ITGB7: variants seen among roughly 807,000 people sequenced by gnomAD.
ITGB7 encodes the protein integrin subunit beta 7.
Under a neutral mutation model 83.4 loss-of-function variants are expected in ITGB7, and 55 were observed. The observed-to-expected ratio is 0.66, with a 90% confidence interval of 0.53 to 0.83. The LOEUF is 0.83. Among genes scored for constraint, ITGB7 ranks in the 40% least tolerant of loss-of-function variants. The probability of loss-of-function intolerance (pLI) is 0.00; values close to 1 mark genes in which losing one functional copy is unlikely to be tolerated. For synonymous variants in ITGB7, 454 were observed against 423.6 expected (o/e 1.07, Z -0.88); for missense variants, 921 against 1,046.7 (o/e 0.88, Z 1.66).
At chr12:53,191,766 G>T in intron 15 of ITGB7, 93 bp downstream of exon 15, 1 of 1,567,038 alleles carries the variant, frequency 6.4e-7, no homozygotes, top group Non-Finnish European at 8.8e-7. Context: ...GGTTACATGT[G>T]CCAGGGGCTG....
In ITGB7 at chr12:53,198,004, C is replaced by A. The variant is rs1942225952; in HGVS notation, c.202-53G>T. The A allele has an allele frequency of 3.4e-6, 5 of 1,460,506 alleles. No individual in the cohort carries two copies. The Admixed American group carries it at 1.1e-4, about 31-fold the overall frequency. 90.5% of individuals were successfully genotyped at this position (1,460,506 alleles called of 1,614,324 possible). A position where few individuals can be genotyped will look rare whatever the true frequency, so the allele number is the denominator to read the frequency against. On this transcript the variant is annotated intron_variant, in intron 3 of 15. Transcript: ENST00000267082. ...ACCCGGTCCTGCATAGGCCCTGGGC[C>A]CCGCTCCCAAAAACACCCTGCAAAC...
intron 1 of ITGB7, among the ~76,000 whole-genome samples, chr12:53,202,305 G>GCTGCAATTGTGCCA (rs1942339386): frequency 6.6e-6 from 1 of 152,168 alleles, no homozygotes; most frequent in Non-Finnish European, 1.5e-5. Flanking sequence ...GTTGCAGTGA[G>GCTGCAATTGTGCCA]CTGCAATTGT....
chr12:53,194,242 C>T lies in ITGB7; in HGVS notation c.1264G>A (p.Ala422Thr). The change falls in exon 10 of 16, where the codon GCT becomes ACT. Residue 422 changes from alanine (A) to threonine (T), a missense_variant. Transcript: ENST00000267082. ...TGGTTGCACTGTCCTCGATCCTCAG[C>T]CTTACCCTCCCTCTTCTCAGGACCC... ...CEGPEKREGK[A>T]EDRGQCNHVR... The T allele has an allele frequency of 2.5e-6, 4 of 1,614,084 alleles. No individual in the cohort carries two copies. Among genetic ancestry groups the T allele is most frequent in the Non-Finnish European group, 3.4e-6 (4 of 1,180,014 alleles).
At chr12:53,201,364 A>G (rs891284436) in intron 1 of ITGB7, 170 bp from the exon 2 acceptor site, 5 of 152,212 alleles carry the variant, frequency 3.3e-5, no homozygotes, top group African/African-American at 1.2e-4. Flanking sequence ...CTTGGTTGAC[A>G]TGGTAGCAAG....
At chr12:53,202,994 G>T (rs1369559328) in intron 1 of ITGB7, among the ~76,000 whole-genome samples, 1 of 152,102 alleles carries the variant, frequency 6.6e-6, no homozygotes, top group East Asian at 1.9e-4. Context: ...AAAGTATATA[G>T]GTAAATCTTC....
Position 53,192,012 on chromosome 12 carries a change from T to TG in ITGB7, c.2162dup (p.Asp722ArgfsTer33). 1 of 1,611,384 alleles carries TG rather than the reference T, an allele frequency of 6.2e-7. No individual in the cohort carries two copies. Among genetic ancestry groups the TG allele is most frequent in the Non-Finnish European group, 8.5e-7 (1 of 1,178,720 alleles). ...CCAGCACAATGGCCTGCGTGTGGTC[T>TG]GCTCCCTCTGTGAACAAGAAACCAG... On this transcript the variant is annotated frameshift_variant, in exon 15 of 16. Transcript: ENST00000267082. LOFTEE classifies it high-confidence loss of function.
At chr12:53,205,055 C>T (rs1178186726) in intron 1 of ITGB7, among the ~76,000 whole-genome samples, 1 of 151,914 alleles carries the variant, frequency 6.6e-6, no homozygotes, top group East Asian at 1.9e-4. Context: ...GAACCCCTGA[C>T]TTCAAGTGAT....
chr12:53,194,364 G>A lies in ITGB7; in HGVS notation c.1162-20C>T, dbSNP rs1308706234. 1 of 1,613,110 alleles carries A rather than the reference G, an allele frequency of 6.2e-7. No homozygotes were observed. The highest frequency in any genetic ancestry group is 1.1e-5 in the South Asian group (1 of 90,992). On this transcript the variant is annotated intron_variant, in intron 9 of 15. Transcript: ENST00000267082. ...CAGGCTCTATGGGAAGAGAGCGAGT[G>A]GATAACCACGTGAAGGCAGAAAAGG...
At position 53,193,325 on chromosome 12, in the gene ITGB7, G is replaced by C. The variant is rs1375093070; in HGVS notation, c.1541C>G (p.Ser514Cys). ...PGRLGRLCEC[S>C]VAELSSPDLE... ...GTCTGGGGAGGACAGCTCTGCCACAGAGCACTCACAGAGCCGACCTAGGCG... is the reference window on the plus strand; with the variant it reads ...GTCTGGGGAGGACAGCTCTGCCACACAGCACTCACAGAGCCGACCTAGGCG... Residue 514 changes from serine (S) to cysteine (C), a missense_variant, in exon 12 of 16, where the codon TCT (serine) becomes TGT (cysteine). Ser to Cys is a moderately radical substitution (Grantham distance 112). Transcript: ENST00000267082. The C allele has an allele frequency of 2.5e-6, 4 of 1,605,810 alleles. No homozygotes were observed. In the African/African-American group the frequency reaches 4.0e-5, roughly 16 times the overall value.
rs11574538 is a variant in ITGB7 at position 53,196,563 on chromosome 12, C to T, written c.816+16G>A. On this transcript the variant is annotated intron_variant, in intron 6 of 15. Transcript: ENST00000267082. Reference sequence around the variant, plus strand: ...AAACAGACCTCCAGGCTCAGATCCCCGCCCCACCTCCTCACCTGGCAGAGT... The same window carrying T: ...AAACAGACCTCCAGGCTCAGATCCCTGCCCCACCTCCTCACCTGGCAGAGT... The T allele has an allele frequency of 0.041, 65,857 of 1,598,724 alleles. 1,604 individuals are homozygous for T. Among genetic ancestry groups the T allele is most frequent in the Non-Finnish European group, 0.048 (56,638 of 1,168,844 alleles).
intron 6 of ITGB7, 34 bp downstream of exon 6, chr12:53,196,545 C>T: frequency 6.3e-7 from 1 of 1,586,298 alleles, no homozygotes. Flanking sequence ...CCCAAACAGA[C>T]CTCCAGGCTC....
chr12:53,196,913 G>A (rs777582329), intron 5 of ITGB7, 93 bp from the exon 6 acceptor site: 2 of 1,443,296 alleles, frequency 1.4e-6, no homozygotes, highest in Non-Finnish European at 1.9e-6. Flanking sequence ...GGGTGGGGAG[G>A]ACGGTGATGG....
At chr12:53,199,451 C>T (rs1942267775) in intron 3 of ITGB7, among the ~76,000 whole-genome samples, 1 of 152,094 alleles carries the variant, frequency 6.6e-6, no homozygotes, top group African/African-American at 2.4e-5. Context: ...TGCCTCCACC[C>T]AAAACACAGA....
chr12:53,206,748 C>T (rs1389909778), intron 1 of ITGB7: 1 of 152,286 alleles, frequency 6.6e-6, no homozygotes, highest in Non-Finnish European at 1.5e-5. Context: ...TGCTGGGCCT[C>T]AGTGTCCCAG....
In ITGB7 at chr12:53,197,535, G is replaced by A; in HGVS notation, c.532C>T (p.Leu178=). 1 of 1,614,208 alleles carries A rather than the reference G, an allele frequency of 6.2e-7. No individual in the cohort carries two copies. The highest frequency in any genetic ancestry group is 1.7e-5 in the Admixed American group (1 of 60,034). ...GTGACTTCCTGCAGCCGGACCAGCA[G>A]AGCGTGCCCGAGCTGGCGCACGCGT... ...LERVRQLGHA[L]LVRLQEVTHS... The change falls in exon 5 of 16, where the codon CTG becomes TTG. Residue 178 remains leucine (L), a synonymous_variant. Coordinates refer to ENST00000267082, the MANE Select transcript of ITGB7 (RefSeq NM_000889.3).
chr12:53,196,488 C>T, intron 6 of ITGB7, 91 bp downstream of exon 6: 2 of 1,461,804 alleles, frequency 1.4e-6, no homozygotes, highest in East Asian at 2.3e-5. Context: ...GTATGAATGG[C>T]ACCCCCTAGA....
chr12:53,192,564 C>A (rs1426033041), intron 13 of ITGB7, 26 bp from the exon 14 acceptor site: 2 of 1,610,668 alleles, frequency 1.2e-6, no homozygotes, highest in South Asian at 2.2e-5. Context: ...CAATAGGTTA[C>A]CAGCTGGGCA....
intron 1 of ITGB7, among the ~76,000 whole-genome samples, chr12:53,203,177 A>G (rs375355905): frequency 2.8e-4 from 43 of 152,366 alleles, no homozygotes; most frequent in East Asian, 1.2e-3. Flanking sequence ...CAGATTATAT[A>G]TCAGATGAGT....
Position 53,192,211 on chromosome 12 carries a change from C to T in ITGB7, c.2155+119G>A. Reference sequence around the variant, plus strand: ...TTGCTCAATTGCCTCTGCCTTTGTCCTGGATTCACAGTTCTGCTTCAGCCC... The same window carrying T: ...TTGCTCAATTGCCTCTGCCTTTGTCTTGGATTCACAGTTCTGCTTCAGCCC... On this transcript the variant is annotated intron_variant, in intron 14 of 15. Coordinates refer to ENST00000267082, the MANE Select transcript of ITGB7 (RefSeq NM_000889.3). 4 of 1,273,530 alleles carry T rather than the reference C, an allele frequency of 3.1e-6. 1 individual carries two copies. The allele number at this position is 1,273,530 out of a possible 1,614,324, so 78.9% of individuals were successfully genotyped here.
Sources: gnomAD v4.1 joint callset for allele counts (sites outside exome capture counted in the v4.1 genomes callset) on GRCh38, gnomAD v4.1.1 for gene constraint, MANE v1.5 for transcripts, NCBI Gene and HGNC (gene_info 2026-07-23, HGNC 2026-07-21) for gene names.